Variants in SLC25A48 observed in about 807,000 individuals in gnomAD.
SLC25A48 encodes CTC-321K16.1.
Under a neutral mutation model 32.2 loss-of-function variants are expected in SLC25A48, and 29 were observed. The observed-to-expected ratio is 0.90, with a 90% CI of 0.67 to 1.23. SLC25A48 has a LOEUF of 1.23. Among genes scored for constraint, SLC25A48 ranks in the 50% most tolerant of loss-of-function variants. The probability of loss-of-function intolerance (pLI) is 0.00; values close to 1 mark genes in which losing one functional copy is unlikely to be tolerated. For synonymous variants in SLC25A48, 164 were observed against 172.3 expected (o/e 0.95, Z 0.38); for missense variants, 399 against 422.7 (o/e 0.94, Z 0.49).
chr5:135,884,719 G>T (rs1306762816), intron 7 of SLC25A48, among the ~76,000 whole-genome samples: 1 of 152,148 alleles, frequency 6.6e-6, no homozygotes, highest in Admixed American at 6.5e-5. Context: ...ATCCTAGAAT[G>T]TGTTTCTTAA....
Position 135,781,173 on chromosome 5 carries a change from GGAT to G in SLC25A48, c.-520-31346_-520-31344del, listed in dbSNP as rs1366168662. Reference sequence around the variant, plus strand: ...TGTTCCTAATATTCAGTGGGGAAGAGGATGATATTGTTCCCAATATCACAGGCG... The same window carrying G: ...TGTTCCTAATATTCAGTGGGGAAGAGGATATTGTTCCCAATATCACAGGCG... On this transcript the variant is annotated intron_variant, in intron 3 of 10. Coordinates refer to the SLC25A48 transcript ENST00000646290. Among the ~76,000 whole-genome samples the G allele has an allele frequency of 4.3e-5, 5 of 116,248 alleles. 1 individual carries two copies. Among genetic ancestry groups the G allele is most frequent in the African/African-American group, 1.3e-4 (5 of 38,262 alleles). The allele number at this position is 116,248 out of a possible 152,430, so 76.3% of individuals were successfully genotyped here.
chr5:135,690,502 A>G (rs1385882222), intron 3 of SLC25A48, among the ~76,000 whole-genome samples: 1 of 152,078 alleles, frequency 6.6e-6, no homozygotes, highest in Admixed American at 6.5e-5. Flanking sequence ...TCTAGAAATA[A>G]CTTCTTCCCT....
chr5:135,789,203 CCCG>C (rs1352616573), intron 3 of SLC25A48, among the ~76,000 whole-genome samples: 2 of 149,906 alleles, frequency 1.3e-5, no homozygotes, highest in African/African-American at 4.9e-5. Context: ...TACACCCTCC[CCCG>C]CCACGATATG....
intron 1 of SLC25A48, among the ~76,000 whole-genome samples, chr5:135,594,771 G>A (rs536103692): frequency 9.8e-5 from 15 of 152,288 alleles, no homozygotes; most frequent in African/African-American, 3.1e-4. Flanking sequence ...CTGCTCTCAC[G>A]GCATCACTGC....
At chr5:135,777,800 G>A (rs1488194908) in intron 3 of SLC25A48, among the ~76,000 whole-genome samples, 1 of 146,644 alleles carries the variant, frequency 6.8e-6, no homozygotes, top group East Asian at 2.0e-4. Flanking sequence ...GGGGGGGAAT[G>A]TTAATATTAC....
chr5:135,598,715 T>A (rs978329789), intron 1 of SLC25A48, among the ~76,000 whole-genome samples: 4 of 152,208 alleles, frequency 2.6e-5, no homozygotes, highest in African/African-American at 9.7e-5. Context: ...ACATGTGTAG[T>A]AAGCAAACAT....
At chr5:135,617,554 G>T (rs553246961) in intron 1 of SLC25A48, among the ~76,000 whole-genome samples, 1 of 151,560 alleles carries the variant, frequency 6.6e-6, no homozygotes, top group African/African-American at 2.4e-5. Context: ...TAGATTATTT[G>T]AAATCTTTCT....
At chr5:135,720,242 G>A (rs887858828) in intron 3 of SLC25A48, among the ~76,000 whole-genome samples, 1 of 152,216 alleles carries the variant, frequency 6.6e-6, no homozygotes, top group African/African-American at 2.4e-5. Flanking sequence ...GGCAGCTGAG[G>A]TAAGACAGCT....
intron 4 of SLC25A48, among the ~76,000 whole-genome samples, chr5:135,815,076 C>A (rs1181682137): frequency 6.6e-6 from 1 of 152,176 alleles, no homozygotes; most frequent in Admixed American, 6.5e-5. Context: ...GCTGGGATAA[C>A]TGAGGGCCTG....
intron 1 of SLC25A48, among the ~76,000 whole-genome samples, chr5:135,612,585 C>T (rs1271428082): frequency 6.6e-6 from 1 of 152,190 alleles, no homozygotes; most frequent in Admixed American, 6.5e-5. Flanking sequence ...ATTCTACTCT[C>T]TATCTCCAGG....
chr5:135,644,540 A>G (rs935327825), intron 3 of SLC25A48, among the ~76,000 whole-genome samples: 7 of 152,136 alleles, frequency 4.6e-5, no homozygotes, highest in Non-Finnish European at 1.0e-4. Flanking sequence ...CATCACTGCC[A>G]TCATTCCAGA....
intron 3 of SLC25A48, among the ~76,000 whole-genome samples, chr5:135,744,230 C>G (rs886228331): frequency 2.6e-5 from 4 of 152,158 alleles, no homozygotes; most frequent in Admixed American, 2.0e-4. Context: ...CTCCAGGGAG[C>G]ACAGGCCACA....
At chr5:135,700,229 G>A (rs565597720) in intron 3 of SLC25A48, among the ~76,000 whole-genome samples, 3 of 151,646 alleles carry the variant, frequency 2.0e-5, no homozygotes, top group South Asian at 4.2e-4. Context: ...AAAATCAGCC[G>A]GGTCTGGTGG....
At chr5:135,850,396 C>T (rs1186363081) in intron 2 of SLC25A48, 29 bp from the exon 3 acceptor site, 1 of 1,612,660 alleles carries the variant, frequency 6.2e-7, no homozygotes, top group African/African-American at 1.3e-5. Flanking sequence ...AACCTCTGCG[C>T]TGACCCATGT....
intron 1 of SLC25A48, among the ~76,000 whole-genome samples, chr5:135,580,819 A>G (rs1466755323): frequency 4.6e-5 from 7 of 152,188 alleles, no homozygotes; most frequent in African/African-American, 1.4e-4. Flanking sequence ...TTGTGTGCAC[A>G]TGTACACATG....
chr5:135,635,171 T>C (rs249595), intron 3 of SLC25A48, among the ~76,000 whole-genome samples: 42,250 of 152,024 alleles, frequency 0.28, 6,415 homozygotes, highest in East Asian at 0.62. Flanking sequence ...CCTCTGTGGG[T>C]GTACCAGCGT....
intron 3 of SLC25A48, among the ~76,000 whole-genome samples, chr5:135,763,131 C>T (rs1290202750): frequency 6.6e-6 from 1 of 152,068 alleles, no homozygotes; most frequent in Non-Finnish European, 1.5e-5. Context: ...ACAGTTGAAA[C>T]ACAAACCCTG....
chr5:135,708,616 G>T (rs1754577575), intron 3 of SLC25A48, among the ~76,000 whole-genome samples: 1 of 152,196 alleles, frequency 6.6e-6, no homozygotes, highest in Admixed American at 6.5e-5. Context: ...GCTATCCCAG[G>T]GCAACCCTGG....
rs200089641 is a variant in SLC25A48, at chr5:135,719,248, A to AT, written c.-521+84297dup. 5.1e-3 allele frequency among the ~76,000 whole-genome samples: 777 copies of AT among 152,278 alleles called. 23 individuals carry two copies. The highest frequency in any genetic ancestry group is 0.048 in the Admixed American group (727 of 15,292). On this transcript the variant is annotated intron_variant, in intron 3 of 10. Coordinates refer to the SLC25A48 transcript ENST00000646290. ...TTTACATTTTACAAATCCGGGATTTATTTTTCCCTTTGAGATTTTCCTAGA... is the reference window on the plus strand; with the variant it reads ...TTTACATTTTACAAATCCGGGATTTATTTTTTCCCTTTGAGATTTTCCTAGA...
Sources: allele counts gnomAD v4.1 joint callset (sites outside exome capture counted in the v4.1 genomes callset), GRCh38; gene constraint gnomAD v4.1.1; transcripts MANE v1.5; gene names NCBI Gene and HGNC (gene_info 2026-07-23, HGNC 2026-07-21).